TSN: variants seen among roughly 807,000 people sequenced by gnomAD.
TSN encodes the protein component 3 of promoter of RISC.
TSN carries 5 observed loss-of-function variants against 29.4 expected under a neutral mutation model. The ratio of observed to expected loss-of-function variants is 0.17; its 90% CI spans 0.09 to 0.36. TSN has a LOEUF of 0.36. TSN is among the 10% of genes least tolerant of loss of function. The pLI, the probability that TSN is intolerant of heterozygous loss-of-function variation, is 1.00. For missense variants in TSN, 159 were observed against 272.8 expected, an observed-to-expected ratio of 0.58 and a Z score of 2.94; for synonymous variants, 106 against 102.2, an observed-to-expected ratio of 1.04 and a Z score of -0.23.
At chr2:121,760,282 G>C (rs1462449014) in intron 3 of TSN, among the ~76,000 whole-genome samples, 1 of 152,238 alleles carries the variant, frequency 6.6e-6, no homozygotes, top group Non-Finnish European at 1.5e-5. Flanking sequence ...CTGATGATCT[G>C]AAGTGGAACA....
intron 5 of TSN, among the ~76,000 whole-genome samples, chr2:121,763,483 G>A (rs527472847): frequency 6.6e-5 from 10 of 151,982 alleles, no homozygotes; most frequent in African/African-American, 1.7e-4. Flanking sequence ...AATTCAGAAC[G>A]TCTTAATTCT....
intron 1 of TSN, 186 bp downstream of exon 1, chr2:121,756,031 C>T (rs367574357): frequency 9.5e-6 from 12 of 1,269,548 alleles, no homozygotes; most frequent in East Asian, 7.7e-5. Context: ...TCCTGATTCC[C>T]CGTGTTCGAG....
intron 1 of TSN, chr2:121,756,117 C>T (rs919136188): frequency 6.0e-5 from 34 of 563,992 alleles, no homozygotes; most frequent in African/African-American, 5.5e-4. Flanking sequence ...ATCGAAGGCT[C>T]GATTAGCACC....
At chr2:121,761,372 C>T in intron 3 of TSN, 37 bp from the exon 4 acceptor site, 4 of 1,520,586 alleles carry the variant, frequency 2.6e-6, no homozygotes, top group South Asian at 1.1e-5. Flanking sequence ...CTGAAGGTCC[C>T]TAACCTTGGA....
At chr2:121,762,220 G>T (rs1394812226) in intron 4 of TSN, among the ~76,000 whole-genome samples, 1 of 151,774 alleles carries the variant, frequency 6.6e-6, no homozygotes, top group African/African-American at 2.4e-5. Context: ...TTGAACTCCT[G>T]ACCTCAGGTG....
intron 2 of TSN, 180 bp downstream of exon 2, chr2:121,757,513 CAG>C (rs1334873098): frequency 9.7e-6 from 12 of 1,237,452 alleles, no homozygotes; most frequent in Non-Finnish European, 1.3e-5. Flanking sequence ...ATGGTTTAAA[CAG>C]AGATGTTTTC....
At position 121,766,465 on chromosome 2, in the gene TSN, C is replaced by T. The variant is rs2074903151; in HGVS notation, c.*1098C>T. 6.6e-6 allele frequency: 1 copy of T among 152,086 alleles called. No individual in the cohort carries two copies. The allele number at this position is 152,086 out of a possible 1,614,324, so 9.4% of individuals were successfully genotyped here. A position where few individuals can be genotyped will look rare whatever the true frequency, so the allele number is the denominator to read the frequency against. On this transcript the variant is annotated 3_prime_UTR_variant, in exon 6 of 6. Coordinates refer to ENST00000389682, the MANE Select transcript of TSN (RefSeq NM_004622.3). ...TATAAAAACAAAAACCACGAAAGCA[C>T]ACACAAAATAAATCAGTGGGATTTG...
rs750318039 is a variant in TSN at position 121,765,261 on chromosome 2, G to A, written c.581G>A (p.Arg194His). Residue 194 changes from arginine to histidine, a missense_variant, in exon 6 of 6, where the codon CGC becomes CAC. Around this residue, in one of 3 missense-constraint regions of TSN, gnomAD observed 85 missense variants for 178.1 expected, o/e 0.48. Transcript: ENST00000389682. The stretch of plus-strand genomic sequence containing the variant: ...CTGAAAAATGACTCCCTGAGGAAGC[G>A]CTACGACGGATTGAAATATGACGTG... ...LNLKNDSLRK[R>H]YDGLKYDVKK... is the part of the protein sequence containing the mutation. 1.2e-6 allele frequency: 2 copies of A among 1,614,180 alleles called. No individual in the cohort carries two copies. Among genetic ancestry groups the A allele is most frequent in the East Asian group, 2.2e-5 (1 of 44,882 alleles).
At position 121,755,679 on chromosome 2, in the gene TSN, G is replaced by T; in HGVS notation, c.-101G>T. 1 of 1,486,556 alleles carries T rather than the reference G, an allele frequency of 6.7e-7. No individual in the cohort carries two copies. Among genetic ancestry groups the T allele is most frequent in the Non-Finnish European group, 9.2e-7 (1 of 1,083,486 alleles). 92.1% of individuals were successfully genotyped at this position (1,486,556 alleles called of 1,614,324 possible). On this transcript the variant is annotated 5_prime_UTR_variant, in exon 1 of 6. Transcript: ENST00000389682. ...CGTGGCGTAAGACCGGGGGGACGCG[G>T]CGGTAGCGGCGGCCGTTGCGATTGA... is the stretch of plus-strand genomic sequence containing the variant.
chr2:121,760,119 A>G (rs1006200501), intron 3 of TSN, among the ~76,000 whole-genome samples: 1 of 152,134 alleles, frequency 6.6e-6, no homozygotes, highest in African/African-American at 2.4e-5. Flanking sequence ...CTTCATCTGT[A>G]TTTACAGCCG....
At chr2:121,758,122 A>G (rs2074774946) in intron 2 of TSN, among the ~76,000 whole-genome samples, 1 of 152,126 alleles carries the variant, frequency 6.6e-6, no homozygotes, top group Admixed American at 6.6e-5. Flanking sequence ...AACAGTATAA[A>G]ATGTTCTCAA....
At chr2:121,758,852 A>T in intron 3 of TSN, 46 bp downstream of exon 3, 1 of 1,339,564 alleles carries the variant, frequency 7.5e-7, no homozygotes. Flanking sequence ...AGTAAAAAAA[A>T]GGAGAAAAAT....
intron 4 of TSN, among the ~76,000 whole-genome samples, chr2:121,762,075 C>T (rs531069700): frequency 2.0e-4 from 30 of 152,228 alleles, no homozygotes; most frequent in African/African-American, 7.2e-4. Context: ...TCACCACAAC[C>T]TCCACCTCCT....
intron 3 of TSN, among the ~76,000 whole-genome samples, chr2:121,760,894 G>A (rs1464679512): frequency 7.2e-6 from 1 of 138,762 alleles, no homozygotes. Context: ...TTTTTGAGAC[G>A]GAGTGTCGCT....
chr2:121,763,137 GTTTTTTT>G (rs1009875344), intron 5 of TSN, 53 bp downstream of exon 5: 42 of 508,300 alleles, frequency 8.3e-5, no homozygotes, highest in African/African-American at 4.6e-4. Flanking sequence ...TTCACTGTCA[GTTTTTTT>G]TTTTTTTTTT....
chr2:121,767,778 G>A lies in TSN; in HGVS notation c.*2411G>A, dbSNP rs1277738311. 1 of 152,130 alleles carries A rather than the reference G, an allele frequency of 6.6e-6. No individual in the cohort carries two copies. The highest frequency in any genetic ancestry group is 2.4e-5 in the African/African-American group (1 of 41,420). 9.4% of individuals were successfully genotyped at this position (152,130 alleles called of 1,614,324 possible). A position where few individuals can be genotyped will look rare whatever the true frequency, so the allele number is the denominator to read the frequency against. ...GTGGCTAAAGAGATGAGACAAACAT[G>A]CAGGTCGCTACTGGCATAGTTTCAT... On this transcript the variant is annotated 3_prime_UTR_variant, in exon 6 of 6. Coordinates refer to ENST00000389682, the MANE Select transcript of TSN (RefSeq NM_004622.3).
intron 4 of TSN, 123 bp downstream of exon 4, chr2:121,761,647 T>C (rs2074829933): frequency 2.8e-6 from 2 of 726,360 alleles, no homozygotes; most frequent in Admixed American, 2.3e-5. Context: ...CTTATAGTTG[T>C]AGCTTGGTAT....
intron 1 of TSN, chr2:121,756,687 C>G (rs1410635809): frequency 1.6e-6 from 2 of 1,264,456 alleles, no homozygotes; most frequent in Non-Finnish European, 2.1e-6. Context: ...GCCAGATCAC[C>G]TGAGGTAAGG....
intron 1 of TSN, 139 bp downstream of exon 1, chr2:121,755,984 G>A: frequency 6.8e-7 from 1 of 1,481,298 alleles, no homozygotes; most frequent in South Asian, 1.3e-5. Flanking sequence ...CTTTAGGTTA[G>A]GCACTCCCCG....
Sources: allele counts gnomAD v4.1 joint callset (sites outside exome capture counted in the v4.1 genomes callset), GRCh38; gene constraint gnomAD v4.1.1; regional missense constraint gnomAD v4.1.1; transcripts MANE v1.5; gene names NCBI Gene and HGNC (gene_info 2026-07-23, HGNC 2026-07-21).